DNAH2: variants seen among roughly 807,000 people sequenced by gnomAD.
DNAH2 encodes the protein axonemal beta dynein heavy chain 2.
A neutral mutation model predicts 523.5 loss-of-function variants in DNAH2; 323 were observed. That is an observed-to-expected ratio of 0.62 (90% CI 0.56 to 0.68). The LOEUF is 0.68. DNAH2 is among the 30% of genes least tolerant of loss of function. DNAH2 has a pLI of 0.00. For missense variants in DNAH2, 4,907 were observed against 5,701.5 expected (o/e 0.86, Z 4.49); for synonymous variants, 2,093 against 2,177.4 (o/e 0.96, Z 1.08).
intron 21 of DNAH2, among the ~76,000 whole-genome samples, chr17:7,766,016 A>T (rs2151210327): frequency 6.6e-6 from 1 of 152,138 alleles, no homozygotes; most frequent in African/African-American, 2.4e-5. Context: ...TGACCTTGTG[A>T]TCTGCCTGCC....
In DNAH2 at chr17:7,797,380, C is replaced by T; in HGVS notation, c.7950-20C>T. On this transcript the variant is annotated intron_variant, in intron 51 of 85. Transcript: ENST00000572933. ...TTCTCCTCTTTATTCCCCGATCTCA[C>T]CCCAGTTCCCTGCCCACAGAGTCTT... is the stretch of plus-strand genomic sequence containing the variant. 1.2e-6 allele frequency: 2 copies of T among 1,614,064 alleles called. No individual in the cohort carries two copies. Among genetic ancestry groups the T allele is most frequent in the Non-Finnish European group, 8.5e-7 (1 of 1,180,014 alleles).
rs1420498615 is a variant in DNAH2, at chr17:7,759,064, C to T, written c.2388C>T (p.His796=). The T allele has an allele frequency of 2.5e-6, 4 of 1,614,134 alleles. No homozygotes were observed. Among genetic ancestry groups the T allele is most frequent in the Non-Finnish European group, 3.4e-6 (4 of 1,180,016 alleles). Residue 796 remains histidine, a synonymous_variant, in exon 15 of 86, where the codon CAC becomes CAT. Coordinates refer to ENST00000572933, the MANE Select transcript of DNAH2 (RefSeq NM_020877.5). ...AAVQQKLMNL[H]QDVVTIMTNS... is the part of the protein sequence containing the mutation. ...TACAGCAGAAATTGATGAACCTGCA[C>T]CAGGATGTGGTGACCATCATGACCA...
At chr17:7,777,322 T>C in intron 32 of DNAH2, 124 bp from the exon 33 acceptor site, 1 of 1,033,560 alleles carries the variant, frequency 9.7e-7, no homozygotes, top group Non-Finnish European at 1.5e-6. Context: ...AGAGCAGAAT[T>C]ACCAGGAGTT....
At position 7,734,239 on chromosome 17, in the gene DNAH2, A is replaced by G; in HGVS notation, c.685A>G (p.Asn229Asp). The change falls in exon 6 of 86, where the codon AAC becomes GAC. Residue 229 changes from asparagine (N) to aspartate (D), a missense_variant. Transcript: ENST00000572933. ...CCTCTACATCCCTGCAGAGGCCATG[A>G]ACATGAAGCCTGAGATGGTGATAAA... Reference protein sequence around the residue: ...TVLYIPAEAMNMKPEMVIKDK... With the variant: ...TVLYIPAEAMDMKPEMVIKDK... 6.2e-7 allele frequency: 1 copy of G among 1,607,454 alleles called. No homozygotes were observed. The highest frequency in any genetic ancestry group is 2.2e-5 in the East Asian group (1 of 44,772).
At chr17:7,804,900 C>CG in intron 59 of DNAH2, 58 bp from the exon 60 acceptor site, 2 of 1,413,278 alleles carry the variant, frequency 1.4e-6, no homozygotes, top group Non-Finnish European at 2.0e-6. Context: ...CCAACACCGT[C>CG]ACTCCCACCT....
At position 7,833,119 on chromosome 17, in the gene DNAH2, C is replaced by T. The variant is rs537433995; in HGVS notation, c.13027C>T (p.Arg4343Trp). Reference protein sequence around the residue: ...GLYLEGAGWDRKNSCLVEAEP... With the variant: ...GLYLEGAGWDWKNSCLVEAEP... ...GTACCTGGAAGGTGCTGGCTGGGAC[C>T]GGAAGAACTCCTGCTTGGTGGAGGC... is the stretch of plus-strand genomic sequence containing the variant. Residue 4343 changes from arginine (R) to tryptophan (W), a missense_variant, in exon 85 of 86, where the codon CGG (arginine) becomes TGG (tryptophan). Around this residue, in one of 3 missense-constraint regions of DNAH2, gnomAD observed 1,851 missense variants for 2,139.4 expected, o/e 0.87. Transcript: ENST00000572933. 12 of 1,612,762 alleles carry T rather than the reference C, an allele frequency of 7.4e-6. No individual in the cohort carries two copies. In the African/African-American group the frequency reaches 1.2e-4, roughly 16 times the overall value.
Position 7,758,609 on chromosome 17 carries a change from C to T in DNAH2, c.2166C>T (p.Ala722=), listed in dbSNP as rs374907715. 15 of 1,613,992 alleles carry T rather than the reference C, an allele frequency of 9.3e-6. No individual in the cohort carries two copies. In the East Asian group the frequency reaches 3.1e-4, roughly 34 times the overall value. The part of the protein sequence containing the change: ...LKKLHWALKG[A]SAFFITECRI... ...AACTGCACTGGGCCTTGAAGGGGGC[C>T]AGTGCCTTCTTCATCACGGAGTGCC... The change falls in exon 14 of 86, where the codon GCC becomes GCT. Residue 722 remains alanine (A), a synonymous_variant. Transcript: ENST00000572933.
chr17:7,727,560 A>G (rs2074857955), intron 4 of DNAH2, among the ~76,000 whole-genome samples: 2 of 152,252 alleles, frequency 1.3e-5, no homozygotes, highest in South Asian at 4.1e-4. Context: ...GATCGGGAAC[A>G]TCCTGGCCAA....
Position 7,758,604 on chromosome 17 carries a change from G to A in DNAH2, c.2161G>A (p.Gly721Arg). The change falls in exon 14 of 86, where the codon GGG becomes AGG. Residue 721 changes from glycine (G) to arginine (R), a missense_variant. By Grantham distance (125) the Gly-to-Arg change is moderately radical. This residue lies in a region of DNAH2 where 2,806 missense variants were observed against 3,190.8 expected (regional missense o/e 0.88). Coordinates refer to ENST00000572933, the MANE Select transcript of DNAH2 (RefSeq NM_020877.5). Reference sequence around the variant, plus strand: ...CAAGAAACTGCACTGGGCCTTGAAGGGGGCCAGTGCCTTCTTCATCACGGA... The same window carrying A: ...CAAGAAACTGCACTGGGCCTTGAAGAGGGCCAGTGCCTTCTTCATCACGGA... ...GLKKLHWALK[G>R]ASAFFITECR... 1.2e-6 allele frequency: 2 copies of A among 1,614,148 alleles called. No homozygotes were observed. The highest frequency in any genetic ancestry group is 1.7e-6 in the Non-Finnish European group (2 of 1,180,020).
chr17:7,808,039 C>T (rs747889076), intron 63 of DNAH2, among the ~76,000 whole-genome samples: 2 of 152,078 alleles, frequency 1.3e-5, no homozygotes, highest in Non-Finnish European at 1.5e-5. Flanking sequence ...GGTTAGTTAC[C>T]GTGAGGAGTC....
At position 7,743,029 on chromosome 17, in the gene DNAH2, A is replaced by C. The variant is rs761688794; in HGVS notation, c.1791A>C (p.Lys597Asn). The C allele has an allele frequency of 2.6e-6, 4 of 1,522,970 alleles. No homozygotes were observed. In the Admixed American group the frequency reaches 9.1e-5, roughly 35 times the overall value. The allele number at this position is 1,522,970 out of a possible 1,614,324, so 94.3% of individuals were successfully genotyped here. Residue 597 changes from lysine to asparagine, a missense_variant, in exon 12 of 86, where the codon AAA (lysine) becomes AAC (asparagine). Around this residue, in one of 3 missense-constraint regions of DNAH2, gnomAD observed 2,806 missense variants for 3,190.8 expected, o/e 0.88. Transcript: ENST00000572933. ...AGGCCATTGATGAGCTGGTTCGAAA[A>C]ACCTTCCAAGAGTGGACATCAAGTC... ...MVQAIDELVR[K>N]TFQEWTSSLD...
At position 7,775,004 on chromosome 17, in the gene DNAH2, C is replaced by A. The variant is rs770860234; in HGVS notation, c.4719+28C>A. 1.1e-5 allele frequency: 17 copies of A among 1,607,604 alleles called. No homozygotes were observed. The South Asian group carries it at 1.9e-4, about 18-fold the overall frequency. On this transcript the variant is annotated intron_variant, in intron 29 of 85. Coordinates refer to ENST00000572933, the MANE Select transcript of DNAH2 (RefSeq NM_020877.5). ...CAGTAGAAGTGGCCACAGTGAGATG[C>A]TGGGTGGCGAAGGGAGGGTGTTGGG...
Position 7,774,952 on chromosome 17 carries a change from C to T in DNAH2, c.4695C>T (p.Asn1565=), listed in dbSNP as rs1192346122. The T allele has an allele frequency of 4.3e-6, 7 of 1,614,034 alleles. No individual in the cohort carries two copies. The highest frequency in any genetic ancestry group is 5.1e-6 in the Non-Finnish European group (6 of 1,180,034). Residue 1565 remains asparagine (N), a synonymous_variant, in exon 29 of 86, where the codon AAC becomes AAT. Transcript: ENST00000572933. The part of the protein sequence containing the change: ...VQPHLKKCFD[N]IKLLRIQKVG... Reference sequence around the variant, plus strand: ...CACACCTCAAAAAATGCTTTGACAACATCAAGTTGCTGAGAATCCAGAAGG... The same window carrying T: ...CACACCTCAAAAAATGCTTTGACAATATCAAGTTGCTGAGAATCCAGAAGG...
At position 7,780,079 on chromosome 17, in the gene DNAH2, C is replaced by T. The variant is rs999696736; in HGVS notation, c.5723-78C>T. 9.0e-6 allele frequency: 14 copies of T among 1,547,400 alleles called. No homozygotes were observed. The highest frequency in any genetic ancestry group is 2.3e-5 in the East Asian group (1 of 44,140). ...GGAGTTAGGGTGGGAGAAAATGAGACTGATTGGAAAGTGGGTTTGGGGAAG... is the reference window on the plus strand; with the variant it reads ...GGAGTTAGGGTGGGAGAAAATGAGATTGATTGGAAAGTGGGTTTGGGGAAG... On this transcript the variant is annotated intron_variant, in intron 36 of 85. Transcript: ENST00000572933. This position sits in a 1 kb window ranked among gnomAD's most constrained non-coding sequence, Gnocchi z 4.4.
intron 42 of DNAH2, 95 bp downstream of exon 42, chr17:7,787,128 G>C (rs1202841689): frequency 6.7e-7 from 1 of 1,492,912 alleles, no homozygotes; most frequent in African/African-American, 1.4e-5. Context: ...CTCAGAGCAG[G>C]GCAGGTTCTG....
Position 7,816,685 on chromosome 17 carries a change from C to T in DNAH2, c.9844C>T (p.Leu3282Phe). The change falls in exon 64 of 86, where the codon CTC (leucine) becomes TTC (phenylalanine). Residue 3282 changes from leucine to phenylalanine, a missense_variant. Physicochemically the swap from Leu to Phe is conservative, Grantham distance 22. This residue lies in a region of DNAH2 where 1,851 missense variants were observed against 2,139.4 expected (regional missense o/e 0.87). Transcript: ENST00000572933. ...MELKLERAGM[L>F]VSGLAGEKAR... ...GCTGAAGCTGGAGCGAGCTGGGATGCTCGTGTCGGGGTTGGCTGGCGAGAA... is the reference window on the plus strand; with the variant it reads ...GCTGAAGCTGGAGCGAGCTGGGATGTTCGTGTCGGGGTTGGCTGGCGAGAA... 6.2e-7 allele frequency: 1 copy of T among 1,614,188 alleles called. No homozygotes were observed. Among genetic ancestry groups the T allele is most frequent in the Non-Finnish European group, 8.5e-7 (1 of 1,180,044 alleles).
Position 7,728,543 on chromosome 17 carries a change from A to C in DNAH2, c.399+1251A>C, listed in dbSNP as rs74630395. Among the ~76,000 whole-genome samples, 800 of 152,340 alleles carry C rather than the reference A, an allele frequency of 5.3e-3. 9 individuals carry two copies. Among genetic ancestry groups the C allele is most frequent in the African/African-American group, 0.018 (756 of 41,578 alleles). ...TCGCAAAAGGAACCACAATTTGCAA[A>C]ATATATTTATATTTGAATATACATT... On this transcript the variant is annotated intron_variant, in intron 4 of 85. Coordinates refer to ENST00000572933, the MANE Select transcript of DNAH2 (RefSeq NM_020877.5).
chr17:7,776,957 C>A, intron 32 of DNAH2, 68 bp downstream of exon 32: 1 of 1,330,356 alleles, frequency 7.5e-7, no homozygotes, highest in Non-Finnish European at 1.1e-6. Flanking sequence ...GTGGTAGGAG[C>A]CCACTCGCTT....
intron 8 of DNAH2, among the ~76,000 whole-genome samples, chr17:7,739,245 A>C (rs2075234226): frequency 6.6e-6 from 1 of 152,158 alleles, no homozygotes; most frequent in Admixed American, 6.5e-5. Context: ...GTCTCTACTA[A>C]AAATACAAAA....
Sources: allele counts gnomAD v4.1 joint callset (sites outside exome capture counted in the v4.1 genomes callset), GRCh38; gene constraint gnomAD v4.1.1; regional missense constraint gnomAD v4.1.1; non-coding constraint Gnocchi (gnomAD v3.1); transcripts MANE v1.5; gene names NCBI Gene and HGNC (gene_info 2026-07-23, HGNC 2026-07-21).